Variants in SMAGP observed in about 807,000 individuals in gnomAD.
SMAGP encodes small cell adhesion glycoprotein, also known as small cell transmembrane and glycosylated protein.
Under a neutral mutation model 10.1 loss-of-function variants are expected in SMAGP, and 7 were observed. That is an observed-to-expected ratio of 0.70 (90% CI 0.40 to 1.31). The LOEUF is 1.31. SMAGP is among the 50% of genes most tolerant of loss of function. The pLI is 0.01. For missense variants in SMAGP, 113 were observed against 116.5 expected (o/e 0.97, Z 0.14); for synonymous variants, 49 against 47.2 (o/e 1.04, Z -0.16).
chr12:51,246,639 T>TGTGTGTGTGTGTGG, intron 3 of SMAGP, 112 bp downstream of exon 3: 1 of 626,224 alleles, frequency 1.6e-6, no homozygotes. Context: ...TGTGTGTGTG[T>TGTGTGTGTGTGTGG]AATATAACTT....
intron 2 of SMAGP, among the ~76,000 whole-genome samples, chr12:51,249,935 C>T (rs1184634647): frequency 6.6e-6 from 1 of 152,018 alleles, no homozygotes; most frequent in African/African-American, 2.4e-5. Context: ...TGGATTCATT[C>T]ATCCATTCTC....
At chr12:51,248,666 T>C (rs1944808258) in intron 2 of SMAGP, among the ~76,000 whole-genome samples, 1 of 152,060 alleles carries the variant, frequency 6.6e-6, no homozygotes, top group South Asian at 2.1e-4. Flanking sequence ...GGTCATAAGA[T>C]CCTCATTCCA....
In SMAGP at chr12:51,269,261, A is replaced by G; in HGVS notation, c.18T>C (p.Thr6=). 6.2e-7 allele frequency: 1 copy of G among 1,613,890 alleles called. No homozygotes were observed. MTSLL[T]TPSPREELMT... is the part of the protein sequence containing the mutation. ...TTCACCTACCTCTTGGAGAAGGAGT[A>G]GTCAGGAGGCTGGTCATTGTCACTA... Residue 6 remains threonine, a synonymous_variant, in exon 2 of 4, where the codon ACT becomes ACC. Transcript: ENST00000603798.
chr12:51,258,173 T>C (rs1201722839), intron 2 of SMAGP, among the ~76,000 whole-genome samples: 2 of 151,620 alleles, frequency 1.3e-5, no homozygotes, highest in African/African-American at 4.8e-5. Context: ...AAAAAATAAA[T>C]TAATTAATAA....
In SMAGP at chr12:51,250,859, T is replaced by A. The variant is rs572932595; in HGVS notation, c.35-4028A>T. Among the ~76,000 whole-genome samples the A allele has an allele frequency of 1.1e-4, 17 of 152,262 alleles. No individual in the cohort carries two copies. The East Asian group carries it at 3.3e-3, about 29-fold the overall frequency. On this transcript the variant is annotated intron_variant, in intron 2 of 3. Coordinates refer to ENST00000603798, the MANE Select transcript of SMAGP (RefSeq NM_001031628.2). ...GGCAAAAATGATGGCATGTAACTTC[T>A]GAGATTAGGTTATACAACACTGTGA... is the stretch of plus-strand genomic sequence containing the variant.
intron 1 of SMAGP, chr12:51,269,862 C>T (rs1261257826): frequency 2.0e-5 from 3 of 152,220 alleles, no homozygotes; most frequent in Non-Finnish European, 2.9e-5. Flanking sequence ...ACTGGCCGCC[C>T]CCTCCGGGCC....
rs1314088051 is a variant in SMAGP at position 51,245,251 on chromosome 12, A to G, written c.*690T>C. Reference sequence around the variant, plus strand: ...TCCTAGGGTTCTTATTGCTTGGAAGAGAACATATGTAAAGGCGTTAAATAG... The same window carrying G: ...TCCTAGGGTTCTTATTGCTTGGAAGGGAACATATGTAAAGGCGTTAAATAG... On this transcript the variant is annotated 3_prime_UTR_variant, in exon 4 of 4. Coordinates refer to ENST00000603798, the MANE Select transcript of SMAGP (RefSeq NM_001031628.2). 6.6e-6 allele frequency: 1 copy of G among 152,332 alleles called. No individual in the cohort carries two copies. The highest frequency in any genetic ancestry group is 1.5e-5 in the Non-Finnish European group (1 of 68,054). 9.4% of individuals were successfully genotyped at this position (152,332 alleles called of 1,614,324 possible). A position where few individuals can be genotyped will look rare whatever the true frequency, so the allele number is the denominator to read the frequency against.
chr12:51,249,585 G>A (rs979972168), intron 2 of SMAGP, among the ~76,000 whole-genome samples: 2 of 151,912 alleles, frequency 1.3e-5, no homozygotes, highest in African/African-American at 4.8e-5. Context: ...TGAGAGCTGA[G>A]GAAAAATGGT....
rs1486470581 is a variant in SMAGP, at chr12:51,269,331, G to A, written c.-38-15C>T. 3.5e-5 allele frequency: 56 copies of A among 1,606,634 alleles called. No homozygotes were observed. Among genetic ancestry groups the A allele is most frequent in the Non-Finnish European group, 3.5e-5 (41 of 1,173,458 alleles). The stretch of plus-strand genomic sequence containing the variant: ...AAGAGGCAGATCTGTAGGAAGAGGG[G>A]CAAAGACAGGAATGTAGCGGGTGGG... On this transcript the variant is annotated splice_polypyrimidine_tract_variant and intron_variant, in intron 1 of 3. Coordinates refer to ENST00000603798, the MANE Select transcript of SMAGP (RefSeq NM_001031628.2).
chr12:51,261,877 T>G (rs1944935413), intron 2 of SMAGP, among the ~76,000 whole-genome samples: 2 of 151,702 alleles, frequency 1.3e-5, no homozygotes, highest in South Asian at 4.2e-4. Context: ...GATACATGGT[T>G]AGATGAAAAA....
rs761575301 is a variant in SMAGP at position 51,245,953 on chromosome 12, T to C, written c.282A>G (p.Glu94=). The C allele has an allele frequency of 6.2e-7, 1 of 1,613,426 alleles. No homozygotes were observed. ...GGCCTGGGAGTCATTAGATGAAATA[T>C]TCCTCTTTCTCGCTGCCCTTGGCCA... ...SDLAKGSEKE[E]YFI is the part of the protein sequence containing the mutation. Residue 94 remains glutamate (E), a synonymous_variant, in exon 4 of 4, where the codon GAA becomes GAG. Transcript: ENST00000603798.
chr12:51,251,292 T>C (rs546943956), intron 2 of SMAGP, among the ~76,000 whole-genome samples: 61 of 151,692 alleles, frequency 4.0e-4, no homozygotes, highest in African/African-American at 1.5e-3. Context: ...AAATAATATA[T>C]GGAGGAGGCT....
chr12:51,250,512 T>TTTG lies in SMAGP; in HGVS notation c.35-3682_35-3681insCAA, dbSNP rs1555166833. 5.5e-5 allele frequency among the ~76,000 whole-genome samples: 7 copies of TTTG among 128,322 alleles called. No individual in the cohort carries two copies. In the East Asian group the frequency reaches 1.7e-3, roughly 32 times the overall value. The allele number at this position is 128,322 out of a possible 152,430, so 84.2% of individuals were successfully genotyped here. Reference sequence around the variant, plus strand: ...TTGTTGTTGTTGTGTTTTTTTTTTGTTTTTTTTTTGTTGTTGTTGTTGAGA... The same window carrying TTTG: ...TTGTTGTTGTTGTGTTTTTTTTTTGTTTGTTTTTTTTTGTTGTTGTTGTTGAGA... On this transcript the variant is annotated intron_variant, in intron 2 of 3. Coordinates refer to ENST00000603798, the MANE Select transcript of SMAGP (RefSeq NM_001031628.2).
In SMAGP at chr12:51,269,201, T is replaced by C. The variant is rs769769660; in HGVS notation, c.34+44A>G. 1.4e-5 allele frequency: 22 copies of C among 1,611,212 alleles called. No individual in the cohort carries two copies. In the African/African-American group the frequency reaches 1.6e-4, roughly 12 times the overall value. ...AGGACTGGTCTGGGGAAGGGGATGTTGAACAATTCTTTCTCACTGGGATTA... is the reference window on the plus strand; with the variant it reads ...AGGACTGGTCTGGGGAAGGGGATGTCGAACAATTCTTTCTCACTGGGATTA... On this transcript the variant is annotated intron_variant, in intron 2 of 3. Transcript: ENST00000603798.
Position 51,250,204 on chromosome 12 carries a change from CAAAAAA to C in SMAGP, c.35-3379_35-3374del, listed in dbSNP as rs11289025. ...GGGCAACACAGTAAGACTCTGTCTA[CAAAAAA>C]AAAAAAAAAAAAAATGTAAAAATTA... On this transcript the variant is annotated intron_variant, in intron 2 of 3. Coordinates refer to ENST00000603798, the MANE Select transcript of SMAGP (RefSeq NM_001031628.2). Among the ~76,000 whole-genome samples the C allele has an allele frequency of 2.4e-3, 239 of 98,938 alleles. 1 individual carries two copies. Among genetic ancestry groups the C allele is most frequent in the African/African-American group, 8.3e-3 (225 of 27,196 alleles). The allele number at this position is 98,938 out of a possible 152,430, so 64.9% of individuals were successfully genotyped here.
intron 2 of SMAGP, among the ~76,000 whole-genome samples, chr12:51,266,610 T>G (rs1372013414): frequency 2.0e-5 from 3 of 152,198 alleles, no homozygotes; most frequent in Non-Finnish European, 4.4e-5. Context: ...TGTTAATCTC[T>G]TACTGTGCCT....
chr12:51,265,707 G>GA, intron 2 of SMAGP, among the ~76,000 whole-genome samples: 1 of 152,176 alleles, frequency 6.6e-6, no homozygotes, highest in African/African-American at 2.4e-5. Flanking sequence ...GGGAAATGGG[G>GA]AATCAGTGTT....
At chr12:51,270,015 G>GCCCCGC (rs1004480145) in intron 1 of SMAGP, 1 of 151,636 alleles carries the variant, frequency 6.6e-6, no homozygotes, top group East Asian at 1.9e-4. Flanking sequence ...TCGCCCCGCG[G>GCCCCGC]CCCCGCCCCC....
chr12:51,255,831 G>C (rs901588707), intron 2 of SMAGP, among the ~76,000 whole-genome samples: 25 of 152,290 alleles, frequency 1.6e-4, no homozygotes, highest in African/African-American at 5.8e-4. Flanking sequence ...GAATACAGTG[G>C]TGTGATCTCA....
Sources: gnomAD v4.1 joint callset for allele counts (sites outside exome capture counted in the v4.1 genomes callset) on GRCh38, gnomAD v4.1.1 for gene constraint, MANE v1.5 for transcripts, NCBI Gene and HGNC (gene_info 2026-07-23, HGNC 2026-07-21) for gene names.